Variants in DNHD1 observed in about 807,000 individuals in gnomAD.
DNHD1 encodes the protein dynein heavy chain domain 1.
A neutral mutation model predicts 458.1 loss-of-function variants in DNHD1; 383 were observed. That is an observed-to-expected ratio of 0.84 (90% CI 0.77 to 0.91). The LOEUF is 0.91. Among genes scored for constraint, DNHD1 ranks in the 40% least tolerant of loss-of-function variants. The pLI is 0.00. For synonymous variants in DNHD1, 2,203 were observed against 2,376.9 expected, an observed-to-expected ratio of 0.93 and a Z score of 2.13; for missense variants, 5,336 against 5,866.1, an observed-to-expected ratio of 0.91 and a Z score of 2.95.
Position 6,570,087 on chromosome 11 carries a change from G to T in DNHD1, c.12942G>T (p.Met4314Ile). Residue 4314 changes from methionine (M) to isoleucine (I), a missense_variant, in exon 40 of 43, where the codon ATG becomes ATT. Physicochemically the swap from Met to Ile is conservative, Grantham distance 10 (BLOSUM62 1). Transcript: ENST00000254579. ...GTCTTAGCAATCCCCGTGCTGCCATGCAAGAGCTGGCTGGTGAGACCCTTC... is the reference window on the plus strand; with the variant it reads ...GTCTTAGCAATCCCCGTGCTGCCATTCAAGAGCTGGCTGGTGAGACCCTTC... ...WASLSNPRAA[M>I]QELAASVFYG... 1 of 1,613,976 alleles carries T rather than the reference G, an allele frequency of 6.2e-7. No homozygotes were observed. The highest frequency in any genetic ancestry group is 8.5e-7 in the Non-Finnish European group (1 of 1,179,866).
chr11:6,564,240 C>G, intron 31 of DNHD1, 93 bp from the exon 32 acceptor site: 1 of 1,448,670 alleles, frequency 6.9e-7, no homozygotes, highest in South Asian at 1.4e-5. Context: ...GCCGTACTTT[C>G]CTCCACACCC....
intron 14 of DNHD1, among the ~76,000 whole-genome samples, chr11:6,536,266 C>T (rs997428982): frequency 1.4e-4 from 22 of 152,036 alleles, no homozygotes; most frequent in African/African-American, 4.8e-5. Context: ...GACCCTGGAC[C>T]AGATGCTATA....
rs1334002089 is a variant in DNHD1 at position 6,545,191 on chromosome 11, C to G, written c.4252C>G (p.Gln1418Glu). ...DWESSPNTQT[Q>E]VEALAVLGAG... ...GGAGTCAAGCCCAAACACACAGACT[C>G]AGGTGGAGGCACTTGCAGTGCTAGG... The change falls in exon 21 of 43, where the codon CAG (glutamine) becomes GAG (glutamate). Residue 1418 changes from glutamine to glutamate, a missense_variant. By Grantham distance (29) the Gln-to-Glu change is conservative (BLOSUM62 2). Around this residue, in one of 4 missense-constraint regions of DNHD1, gnomAD observed 3,932 missense variants for 4,365.6 expected, o/e 0.90. Coordinates refer to ENST00000254579, the MANE Select transcript of DNHD1 (RefSeq NM_144666.3). This position sits in a 1 kb window ranked among gnomAD's most constrained non-coding sequence, Gnocchi z 4.9. The G allele has an allele frequency of 6.4e-7, 1 of 1,551,976 alleles. No individual in the cohort carries two copies. Among genetic ancestry groups the G allele is most frequent in the South Asian group, 1.2e-5 (1 of 84,064 alleles).
chr11:6,545,931 A>G lies in DNHD1; in HGVS notation c.4992A>G (p.Leu1664=). 6.4e-7 allele frequency: 1 copy of G among 1,551,754 alleles called. No homozygotes were observed. The highest frequency in any genetic ancestry group is 1.2e-5 in the South Asian group (1 of 84,066). ...CTAGACTAGGGCCTCTACCCAGCCT[A>G]CTGCCTGAACGGCCAGCCCTGGTAC... The part of the protein sequence containing the change: ...LGPRLGPLPS[L]LPERPALVLL... Residue 1664 remains leucine (L), a synonymous_variant, in exon 21 of 43, where the codon CTA becomes CTG. Transcript: ENST00000254579. This position sits in a 1 kb window ranked among gnomAD's most constrained non-coding sequence, Gnocchi z 4.9.
chr11:6,506,046 G>C (rs965741005), intron 4 of DNHD1, among the ~76,000 whole-genome samples: 6 of 151,900 alleles, frequency 3.9e-5, no homozygotes, highest in Non-Finnish European at 7.4e-5. Context: ...ATTGACAAGA[G>C]AACTAAAAAG....
intron 7 of DNHD1, among the ~76,000 whole-genome samples, chr11:6,515,000 A>G (rs1357844225): frequency 6.6e-6 from 1 of 152,210 alleles, no homozygotes; most frequent in Non-Finnish European, 1.5e-5. Context: ...CCTTTTTATC[A>G]GGAATCCATT....
At position 6,558,837 on chromosome 11, in the gene DNHD1, G is replaced by A. The variant is rs1299196083; in HGVS notation, c.9212-65G>A. On this transcript the variant is annotated intron_variant, in intron 26 of 42. Coordinates refer to ENST00000254579, the MANE Select transcript of DNHD1 (RefSeq NM_144666.3). ...TACCCTTCTTCCTGAGCTAGGAGAG[G>A]ATCCCTTTCCTTTCCTGTTTTCCTA... 20 of 1,531,734 alleles carry A rather than the reference G, an allele frequency of 1.3e-5. No homozygotes were observed. In the African/African-American group the frequency reaches 2.2e-4, roughly 17 times the overall value. The allele number at this position is 1,531,734 out of a possible 1,614,324, so 94.9% of individuals were successfully genotyped here.
chr11:6,558,908 G>A lies in DNHD1; in HGVS notation c.9218G>A (p.Trp3073Ter). The change falls in exon 27 of 43, where the codon TGG (tryptophan) becomes TAG (stop). Residue 3073 changes from tryptophan to a stop codon, truncating the protein, a stop_gained. Coordinates refer to ENST00000254579, the MANE Select transcript of DNHD1 (RefSeq NM_144666.3). LOFTEE classifies it high-confidence loss of function. ...AAAGCCATGCCCATTGCAGGCTCCT[G>A]GAAGTACCCAGACCTCCAGGCCTCA... is the stretch of plus-strand genomic sequence containing the variant. ...AQSVPLDDGS[W>*]KYPDLQASIP... 6.4e-7 allele frequency: 1 copy of A among 1,551,620 alleles called. No homozygotes were observed. The highest frequency in any genetic ancestry group is 2.4e-5 in the East Asian group (1 of 40,902).
chr11:6,557,521 A>C lies in DNHD1; in HGVS notation c.8226A>C (p.Ser2742=). 1 of 1,551,738 alleles carries C rather than the reference A, an allele frequency of 6.4e-7. No individual in the cohort carries two copies. Among genetic ancestry groups the C allele is most frequent in the Non-Finnish European group, 8.7e-7 (1 of 1,147,004 alleles). Residue 2742 remains serine (S), a synonymous_variant, in exon 25 of 43, where the codon TCA becomes TCC. Coordinates refer to ENST00000254579, the MANE Select transcript of DNHD1 (RefSeq NM_144666.3). ...EPYGLQVARV[S]NSRDPSLTPS... ...ATGGCCTTCAGGTCGCCAGAGTCTC[A>C]AACTCCAGAGATCCAAGTCTAACAC...
chr11:6,553,390 T>C (rs1458956764), intron 24 of DNHD1, among the ~76,000 whole-genome samples: 1 of 152,216 alleles, frequency 6.6e-6, no homozygotes, highest in Admixed American at 6.5e-5. Context: ...GCTAAATACA[T>C]ACTTAATGGT....
At chr11:6,536,545 A>G (rs1209301494) in intron 14 of DNHD1, among the ~76,000 whole-genome samples, 2 of 152,234 alleles carry the variant, frequency 1.3e-5, no homozygotes, top group African/African-American at 2.4e-5. Context: ...GATAAAGCAA[A>G]TGGGTAAAAT....
Position 6,556,933 on chromosome 11 carries a change from GC to G in DNHD1, c.7639del (p.Glu2548SerfsTer21). 6.4e-7 allele frequency: 1 copy of G among 1,551,698 alleles called. No individual in the cohort carries two copies. The highest frequency in any genetic ancestry group is 8.7e-7 in the Non-Finnish European group (1 of 1,147,012). On this transcript the variant is annotated frameshift_variant, in exon 25 of 43. Coordinates refer to ENST00000254579, the MANE Select transcript of DNHD1 (RefSeq NM_144666.3). LOFTEE classifies it high-confidence loss of function. ...ERHVPIIQAWLERFPSVERER... is the reference protein window; with the variant it reads ...ERHVPIIQAWXERFPSVERER... ...GACATGTGCCTATCATTCAGGCTTG[GC>G]TTGAGCGTTTCCCTTCTGTGGAACG... is the stretch of plus-strand genomic sequence containing the variant.
intron 7 of DNHD1, among the ~76,000 whole-genome samples, chr11:6,511,886 G>T (rs1186295071): frequency 1.3e-5 from 2 of 152,164 alleles, no homozygotes; most frequent in Non-Finnish European, 2.9e-5. Flanking sequence ...CACAACCCCT[G>T]CCTAGAGTTC....
rs759538693 is a variant in DNHD1 at position 6,566,535 on chromosome 11, C to T, written c.11207-52C>T. 3 of 1,598,728 alleles carry T rather than the reference C, an allele frequency of 1.9e-6. No individual in the cohort carries two copies. The Admixed American group carries it at 5.2e-5, about 28-fold the overall frequency. ...GAGCCATACTCCCTGTCTACTCTAC[C>T]CCCTGGCTCTGCCAAGGGGAAGAGG... is the stretch of plus-strand genomic sequence containing the variant. On this transcript the variant is annotated intron_variant, in intron 34 of 42. Transcript: ENST00000254579.
At chr11:6,564,954 T>C (rs1853665995) in intron 32 of DNHD1, 150 bp downstream of exon 32, 1 of 674,258 alleles carries the variant, frequency 1.5e-6, no homozygotes, top group South Asian at 2.4e-5. Flanking sequence ...GGAACAAATT[T>C]GGTCACATTT....
In DNHD1 at chr11:6,565,768, GAGT is replaced by G. The variant is rs1424518900; in HGVS notation, c.10832_10834del (p.Ser3611del). The G allele has an allele frequency of 5.2e-6, 8 of 1,551,492 alleles. No homozygotes were observed. In the African/African-American group the frequency reaches 1.1e-4, roughly 21 times the overall value. ...AAGAGGAAGATGATGAGAGTGAAGA[GAGT>G]AATGAGGCTGAGGACCAGACAAAAG... On this transcript the variant is annotated inframe_deletion, in exon 33 of 43. Transcript: ENST00000254579.
At position 6,558,915 on chromosome 11, in the gene DNHD1, C is replaced by T. The variant is rs1348338959; in HGVS notation, c.9225C>T (p.Tyr3075=). The change falls in exon 27 of 43, where the codon TAC becomes TAT. Residue 3075 remains tyrosine, a synonymous_variant. Transcript: ENST00000254579. ...SVPLDDGSWK[Y]PDLQASIPSV... Reference sequence around the variant, plus strand: ...TGCCCATTGCAGGCTCCTGGAAGTACCCAGACCTCCAGGCCTCAATTCCCA... The same window carrying T: ...TGCCCATTGCAGGCTCCTGGAAGTATCCAGACCTCCAGGCCTCAATTCCCA... 3.2e-6 allele frequency: 5 copies of T among 1,551,552 alleles called. No homozygotes were observed. In the African/African-American group the frequency reaches 5.5e-5, roughly 17 times the overall value.
Position 6,569,051 on chromosome 11 carries a change from G to A in DNHD1, c.12863+185G>A, listed in dbSNP as rs1008137748. ...CTTTGAATTGAGTCTTAAAAGCAGA[G>A]GCAAATCAGGTAGAGATGGGCCTTT... is the stretch of plus-strand genomic sequence containing the variant. On this transcript the variant is annotated intron_variant, in intron 39 of 42. Transcript: ENST00000254579. Among the ~76,000 whole-genome samples the A allele has an allele frequency of 3.9e-5, 6 of 152,316 alleles. No homozygotes were observed. The East Asian group carries it at 1.2e-3, about 29-fold the overall frequency.
chr11:6,538,892 C>A, intron 16 of DNHD1, 82 bp downstream of exon 16: 1 of 1,300,720 alleles, frequency 7.7e-7, no homozygotes, highest in South Asian at 1.6e-5. Context: ...TCCTGCTGCT[C>A]CTGCTGGAAA....
Sources: gnomAD v4.1 joint callset for allele counts (sites outside exome capture counted in the v4.1 genomes callset) on GRCh38, gnomAD v4.1.1 for gene constraint, gnomAD v4.1.1 regional missense constraint, Gnocchi (gnomAD v3.1) non-coding constraint, MANE v1.5 for transcripts, NCBI Gene and HGNC (gene_info 2026-07-23, HGNC 2026-07-21) for gene names.